EPB41L4A: variants seen among roughly 807,000 people sequenced by gnomAD.
EPB41L4A encodes erythrocyte membrane protein band 4.1 like 4A, also known as band 4.1-like protein 4A.
A neutral mutation model predicts 108.6 loss-of-function variants in EPB41L4A; 100 were observed. That is an observed-to-expected ratio of 0.92 (90% confidence interval 0.78 to 1.09). The LOEUF (loss-of-function observed/expected upper bound fraction) is 1.09. EPB41L4A is among the 50% of genes least tolerant of loss of function. The probability of loss-of-function intolerance (pLI) is 0.00; values close to 1 mark genes in which losing one functional copy is unlikely to be tolerated. For synonymous variants in EPB41L4A, 319 were observed against 289.0 expected (o/e 1.10, Z -1.05); for missense variants, 1,030 against 842.7 (o/e 1.22, Z -2.75).
chr5:112,239,719 G>C lies in EPB41L4A; in HGVS notation c.906C>G (p.Ser302=). The C allele has an allele frequency of 6.2e-7, 1 of 1,608,142 alleles. No individual in the cohort carries two copies. The highest frequency in any genetic ancestry group is 8.5e-7 in the Non-Finnish European group (1 of 1,176,984). Residue 302 remains serine (S), a synonymous_variant, in exon 11 of 23, where the codon TCC becomes TCG. Transcript: ENST00000261486. ...HTFFRMPENE[S]NSLSRKLSKF... ...TGCTGAGTTTTCTTGACAGTGAATT[G>C]GATTCATTTTCTGGCATTCTAATCA...
chr5:112,230,826 C>T (rs4958019), intron 12 of EPB41L4A, among the ~76,000 whole-genome samples: 31,844 of 151,954 alleles, frequency 0.21, 3,925 homozygotes, highest in African/African-American at 0.33. Flanking sequence ...AGAGTTTTAC[C>T]GATGTTATCT....
chr5:112,311,656 C>T (rs1755059230), intron 1 of EPB41L4A, among the ~76,000 whole-genome samples: 1 of 152,156 alleles, frequency 6.6e-6, no homozygotes, highest in East Asian at 1.9e-4. Flanking sequence ...TCCACTGAGA[C>T]CAGATCGCAC....
At chr5:112,278,462 G>C (rs1040152677) in intron 3 of EPB41L4A, among the ~76,000 whole-genome samples, 1 of 151,864 alleles carries the variant, frequency 6.6e-6, no homozygotes, top group East Asian at 1.9e-4. Context: ...ATGTTGGCCA[G>C]GCTGGTCTTC....
intron 12 of EPB41L4A, among the ~76,000 whole-genome samples, chr5:112,157,346 A>G (rs1264634858): frequency 6.6e-6 from 1 of 152,214 alleles, no homozygotes; most frequent in African/African-American, 2.4e-5. Flanking sequence ...TCCACTCCTA[A>G]TGAGAAAATC....
At chr5:112,274,886 C>A (rs977679230) in intron 4 of EPB41L4A, among the ~76,000 whole-genome samples, 3 of 152,038 alleles carry the variant, frequency 2.0e-5, no homozygotes, top group Non-Finnish European at 2.9e-5. Context: ...TTCTCATTTC[C>A]TATAGAGATA....
intron 1 of EPB41L4A, among the ~76,000 whole-genome samples, chr5:112,392,295 T>C (rs1561636938): frequency 6.9e-6 from 1 of 144,720 alleles, no homozygotes; most frequent in Non-Finnish European, 1.5e-5. Context: ...GGATAAAGAG[T>C]CAAGACCCAT....
intron 1 of EPB41L4A, among the ~76,000 whole-genome samples, chr5:112,321,762 T>C (rs894220053): frequency 5.9e-5 from 9 of 152,270 alleles, no homozygotes; most frequent in Non-Finnish European, 1.2e-4. Flanking sequence ...ATGCCAAAAT[T>C]TGCTGCAAAA....
At chr5:112,324,720 TAAA>T (rs60242363) in intron 1 of EPB41L4A, among the ~76,000 whole-genome samples, 8 of 101,750 alleles carry the variant, frequency 7.9e-5, no homozygotes, top group Admixed American at 1.0e-4. Flanking sequence ...AGAGTCTGTC[TAAA>T]AAAAAAAAAA....
At chr5:112,287,958 T>C (rs912269368) in intron 2 of EPB41L4A, among the ~76,000 whole-genome samples, 12 of 152,308 alleles carry the variant, frequency 7.9e-5, no homozygotes, top group African/African-American at 2.9e-4. Context: ...TATTAAAATA[T>C]AAAGGAGCCA....
chr5:112,405,338 C>A (rs7707028), intron 1 of EPB41L4A, among the ~76,000 whole-genome samples: 13,758 of 152,148 alleles, frequency 0.09, 1,997 homozygotes, highest in African/African-American at 0.3. Flanking sequence ...CAACCTCATG[C>A]GAGACCTGGA....
At chr5:112,365,742 A>G (rs1759084473) in intron 1 of EPB41L4A, among the ~76,000 whole-genome samples, 1 of 151,790 alleles carries the variant, frequency 6.6e-6, no homozygotes, top group Non-Finnish European at 1.5e-5. Context: ...CATTTCCTTA[A>G]CCTCCTCAGA....
At chr5:112,419,590 C>A, upstream of EPB41L4A, 1 of 454,054 alleles carries the variant, frequency 2.2e-6, no homozygotes, top group Middle Eastern at 6.1e-4. Flanking sequence ...GGGTCAGATC[C>A]GCCGAGTATG....
intron 12 of EPB41L4A, among the ~76,000 whole-genome samples, chr5:112,230,983 G>A (rs1748876052): frequency 6.6e-6 from 1 of 152,146 alleles, no homozygotes; most frequent in African/African-American, 2.4e-5. Context: ...TCTCAGCAAA[G>A]TCTTAAATTT....
At chr5:112,199,931 C>T (rs1372548179) in intron 15 of EPB41L4A, among the ~76,000 whole-genome samples, 1 of 152,186 alleles carries the variant, frequency 6.6e-6, no homozygotes, top group Non-Finnish European at 1.5e-5. Flanking sequence ...TCTGCTACTA[C>T]CCACTTTCAC....
intron 12 of EPB41L4A, among the ~76,000 whole-genome samples, chr5:112,214,878 G>C (rs1747503615): frequency 6.6e-6 from 1 of 152,082 alleles, no homozygotes; most frequent in Non-Finnish European, 1.5e-5. Context: ...GTTGCTTTCT[G>C]CCTAAAATAT....
rs1293964018 is a variant in EPB41L4A, at chr5:112,419,184, G to A, written c.-145C>T. 7.0e-6 allele frequency: 4 copies of A among 567,730 alleles called. No individual in the cohort carries two copies. Among genetic ancestry groups the A allele is most frequent in the African/African-American group, 4.0e-5 (2 of 50,272 alleles). The allele number at this position is 567,730 out of a possible 1,614,324, so 35.2% of individuals were successfully genotyped here. On this transcript the variant is annotated 5_prime_UTR_variant, in exon 1 of 23. Transcript: ENST00000261486. The stretch of plus-strand genomic sequence containing the variant: ...AGCTCCCGGCGGGGTCCGGGGACCG[G>A]CCGCCGAACCGCCCGGCGGGGCGGG...
chr5:112,353,645 A>G (rs1167328003), intron 1 of EPB41L4A, among the ~76,000 whole-genome samples: 1 of 152,152 alleles, frequency 6.6e-6, no homozygotes, highest in African/African-American at 2.4e-5. Context: ...TCCAAGAGGT[A>G]TAATTAGGCA....
At chr5:112,306,953 T>C (rs902433130) in intron 2 of EPB41L4A, among the ~76,000 whole-genome samples, 1 of 152,164 alleles carries the variant, frequency 6.6e-6, no homozygotes, top group Non-Finnish European at 1.5e-5. Context: ...ATCTCACTTA[T>C]AAAACTTAGG....
At chr5:112,226,166 G>A (rs1354834519) in intron 12 of EPB41L4A, among the ~76,000 whole-genome samples, 1 of 152,182 alleles carries the variant, frequency 6.6e-6, no homozygotes, top group Non-Finnish European at 1.5e-5. Context: ...AGAGGCTGGG[G>A]AACATATATT....
Sources: gnomAD v4.1 joint callset for allele counts (sites outside exome capture counted in the v4.1 genomes callset) on GRCh38, gnomAD v4.1.1 for gene constraint, MANE v1.5 for transcripts, NCBI Gene and HGNC (gene_info 2026-07-23, HGNC 2026-07-21) for gene names.